Variants in FAP observed in about 807,000 individuals in gnomAD.
FAP encodes prolyl endopeptidase FAP.
A neutral mutation model predicts 126.5 loss-of-function variants in FAP; 110 were observed. The ratio of observed to expected loss-of-function variants is 0.87; its 90% CI spans 0.74 to 1.02. The LOEUF (loss-of-function observed/expected upper bound fraction) is 1.02, where lower values mean the gene tolerates loss of function less well. Ranked by LOEUF, FAP falls within the 50% of genes least tolerant of loss-of-function variation. The pLI, the probability that FAP is intolerant of heterozygous loss-of-function variation, is 0.00. For missense variants in FAP, 919 were observed against 909.2 expected, an observed-to-expected ratio of 1.01 and a Z score of -0.14; for synonymous variants, 334 against 297.3, an observed-to-expected ratio of 1.12 and a Z score of -1.27.
chr2:162,183,443 C>A lies in FAP; in HGVS notation c.1840G>T (p.Asp614Tyr). 6.2e-7 allele frequency: 1 copy of A among 1,610,044 alleles called. No individual in the cohort carries two copies. The highest frequency in any genetic ancestry group is 2.2e-5 in the East Asian group (1 of 44,702). The change falls in exon 21 of 26, where the codon GAT becomes TAT. Residue 614 changes from aspartate (D) to tyrosine (Y), a missense_variant. Transcript: ENST00000188790. Reference protein sequence around the residue: ...VRKFIEMGFIDEKRIAIWGWS... With the variant: ...VRKFIEMGFIYEKRIAIWGWS... ...CCCCATATGGCTATTCTTTTTTCAT[C>A]AATGAAACCCATTTCTATGAATTTT...
intron 2 of FAP, among the ~76,000 whole-genome samples, chr2:162,240,661 G>C (rs1690310634): frequency 6.6e-6 from 1 of 152,232 alleles, no homozygotes; most frequent in East Asian, 1.9e-4. Context: ...CTCAGAAGAA[G>C]ACAGTTCATA....
chr2:162,235,488 T>G (rs1690090473), intron 2 of FAP, among the ~76,000 whole-genome samples: 1 of 152,222 alleles, frequency 6.6e-6, no homozygotes, highest in South Asian at 2.1e-4. Context: ...ATCAGCACCC[T>G]GTGTCTAGCT....
At chr2:162,205,675 G>A (rs112892396) in intron 12 of FAP, among the ~76,000 whole-genome samples, 8 of 151,900 alleles carry the variant, frequency 5.3e-5, no homozygotes, top group Non-Finnish European at 7.4e-5. Flanking sequence ...CACCACCCCC[G>A]GCTAGTTTTA....
chr2:162,221,796 T>C, intron 6 of FAP: 1 of 453,498 alleles, frequency 2.2e-6, no homozygotes. Context: ...TTTGCCTACC[T>C]AGCTTGAAAC....
At chr2:162,220,516 A>T (rs1458723880) in intron 6 of FAP, among the ~76,000 whole-genome samples, 1 of 152,236 alleles carries the variant, frequency 6.6e-6, no homozygotes, top group East Asian at 1.9e-4. Context: ...TGAAAATAAG[A>T]TGCCATTTGA....
At chr2:162,216,862 C>T (rs1353974476) in intron 9 of FAP, among the ~76,000 whole-genome samples, 1 of 152,154 alleles carries the variant, frequency 6.6e-6, no homozygotes, top group East Asian at 1.9e-4. Context: ...CACCTAACGC[C>T]AGATGTTTTA....
intron 12 of FAP, among the ~76,000 whole-genome samples, chr2:162,203,619 T>G (rs990180462): frequency 6.6e-6 from 1 of 152,178 alleles, no homozygotes; most frequent in African/African-American, 2.4e-5. Flanking sequence ...GATCATGGCT[T>G]GCTAGCCACA....
intron 10 of FAP, among the ~76,000 whole-genome samples, 185 bp from the exon 11 acceptor site, chr2:162,214,258 T>A (rs1220405265): frequency 1.3e-5 from 2 of 152,196 alleles, no homozygotes; most frequent in Admixed American, 6.5e-5. Flanking sequence ...CTTAAAAAAA[T>A]ATCTATGAGA....
At chr2:162,219,773 G>A in intron 7 of FAP, 80 bp downstream of exon 7, 1 of 933,934 alleles carries the variant, frequency 1.1e-6, no homozygotes, top group Admixed American at 2.1e-5. Context: ...CTTTCAGGCA[G>A]GGAAATTTAA....
intron 2 of FAP, among the ~76,000 whole-genome samples, chr2:162,235,150 G>A (rs1447581901): frequency 4.4e-5 from 3 of 68,356 alleles, no homozygotes; most frequent in Middle Eastern, 5.0e-3. Flanking sequence ...CCAGTCCCCC[G>A]TCACCCCCTC....
At chr2:162,196,521 T>G (rs958187941) in intron 16 of FAP, among the ~76,000 whole-genome samples, 2 of 148,822 alleles carry the variant, frequency 1.3e-5, no homozygotes, top group East Asian at 3.9e-4. Flanking sequence ...TGCATATCTT[T>G]TTTTTTTTTT....
At chr2:162,221,691 A>C (rs141339285) in intron 6 of FAP, 194 of 456,712 alleles carry the variant, frequency 4.2e-4, no homozygotes, top group African/African-American at 3.4e-3. Context: ...CGCATGTCTC[A>C]AGCCATCACA....
intron 20 of FAP, among the ~76,000 whole-genome samples, chr2:162,187,818 G>C (rs1214036683): frequency 6.6e-6 from 1 of 152,014 alleles, no homozygotes; most frequent in African/African-American, 2.4e-5. Flanking sequence ...CAATGCTTGA[G>C]CAAATTCAGA....
chr2:162,177,024 T>C (rs1296105184), intron 21 of FAP, among the ~76,000 whole-genome samples: 3 of 152,106 alleles, frequency 2.0e-5, no homozygotes, highest in East Asian at 1.9e-4. Context: ...GGAAAAGCTA[T>C]TCCTATTGTA....
chr2:162,236,044 T>G (rs1690115883), intron 2 of FAP, among the ~76,000 whole-genome samples: 1 of 152,218 alleles, frequency 6.6e-6, no homozygotes, highest in East Asian at 1.9e-4. Context: ...TGTCAAATCC[T>G]TTTTCTGTGT....
intron 16 of FAP, among the ~76,000 whole-genome samples, chr2:162,198,464 G>A (rs1382651684): frequency 3.3e-5 from 5 of 152,204 alleles, no homozygotes; most frequent in Admixed American, 1.3e-4. Context: ...GTGGTTAAGA[G>A]CATGGGACTT....
At chr2:162,243,151 G>A in intron 1 of FAP, 159 bp from the exon 2 acceptor site, 1 of 801,340 alleles carries the variant, frequency 1.2e-6, no homozygotes, top group Non-Finnish European at 2.0e-6. Context: ...TTCCAGCTCT[G>A]CAAGGACAAA....
intron 10 of FAP, among the ~76,000 whole-genome samples, chr2:162,214,344 T>C (rs1689085207): frequency 6.6e-6 from 1 of 152,044 alleles, no homozygotes; most frequent in Non-Finnish European, 1.5e-5. Context: ...TAGAAAAGAA[T>C]TTAAAACATA....
At chr2:162,181,032 T>C (rs1247082786) in intron 21 of FAP, among the ~76,000 whole-genome samples, 1 of 152,124 alleles carries the variant, frequency 6.6e-6, no homozygotes. Flanking sequence ...CCCAGCATTT[T>C]GGGAGGCTGA....
Sources: allele counts gnomAD v4.1 joint callset (sites outside exome capture counted in the v4.1 genomes callset), GRCh38; gene constraint gnomAD v4.1.1; transcripts MANE v1.5; gene names NCBI Gene and HGNC (gene_info 2026-07-23, HGNC 2026-07-21).